SH3PXD2A: variants seen among roughly 807,000 people sequenced by gnomAD.
SH3PXD2A encodes SH3 and PX domain-containing protein 2A.
SH3PXD2A carries 32 observed loss-of-function variants against 115.2 expected under a neutral mutation model. That is an observed-to-expected ratio of 0.28 (90% confidence interval 0.21 to 0.37). SH3PXD2A has a LOEUF of 0.37. Among genes scored for constraint, SH3PXD2A ranks in the 10% least tolerant of loss-of-function variants. The pLI, the probability that SH3PXD2A is intolerant of heterozygous loss-of-function variation, is 1.00. For synonymous variants in SH3PXD2A, 610 were observed against 629.1 expected (o/e 0.97, Z 0.45); for missense variants, 1,328 against 1,498.7 (o/e 0.89, Z 1.88).
At chr10:103,663,753 A>T (rs948986923) in intron 7 of SH3PXD2A, among the ~76,000 whole-genome samples, 1 of 152,236 alleles carries the variant, frequency 6.6e-6, no homozygotes, top group African/African-American at 2.4e-5. Flanking sequence ...AACTCTAGGA[A>T]ATCCCAAAGG....
chr10:103,682,333 C>A (rs572997733), intron 6 of SH3PXD2A, among the ~76,000 whole-genome samples: 2 of 152,396 alleles, frequency 1.3e-5, no homozygotes, highest in East Asian at 3.9e-4. Context: ...CATCGCATCA[C>A]CGCCACGTGG....
intron 8 of SH3PXD2A, among the ~76,000 whole-genome samples, chr10:103,656,704 C>T (rs1456616883): frequency 1.3e-5 from 2 of 151,932 alleles, no homozygotes; most frequent in Admixed American, 6.6e-5. Context: ...GTAGCAGGTG[C>T]CTGTAATCCC....
intron 7 of SH3PXD2A, among the ~76,000 whole-genome samples, 156 bp downstream of exon 7, chr10:103,668,452 G>C (rs913098468): frequency 5.3e-5 from 8 of 152,284 alleles, no homozygotes; most frequent in African/African-American, 1.9e-4. Flanking sequence ...TGACTGGGGA[G>C]GCAGAGGGCA....
chr10:103,745,551 C>T (rs1406557967), intron 3 of SH3PXD2A, among the ~76,000 whole-genome samples: 2 of 152,220 alleles, frequency 1.3e-5, no homozygotes, highest in African/African-American at 4.8e-5. Context: ...TGGAGCCCAG[C>T]CCATGGCAAA....
chr10:103,650,231 C>A (rs1452637519), intron 8 of SH3PXD2A, among the ~76,000 whole-genome samples: 2 of 152,152 alleles, frequency 1.3e-5, no homozygotes, highest in African/African-American at 4.8e-5. Flanking sequence ...CCCTCCTCCC[C>A]TCACCTGGCA....
At chr10:103,681,527 G>A (rs1002453955) in intron 6 of SH3PXD2A, among the ~76,000 whole-genome samples, 2 of 152,210 alleles carry the variant, frequency 1.3e-5, no homozygotes. Context: ...CAGCACTCTG[G>A]GGGGCCAAGG....
At chr10:103,770,390 A>T (rs1328248433) in intron 2 of SH3PXD2A, among the ~76,000 whole-genome samples, 1 of 150,476 alleles carries the variant, frequency 6.6e-6, no homozygotes, top group Non-Finnish European at 1.5e-5. Context: ...ACTTTTTTGT[A>T]GAGATGGGAT....
At chr10:103,673,889 C>T (rs954364163) in intron 6 of SH3PXD2A, among the ~76,000 whole-genome samples, 2 of 152,162 alleles carry the variant, frequency 1.3e-5, no homozygotes, top group African/African-American at 4.8e-5. Context: ...TTTCCACATC[C>T]CCACCCTGGG....
rs1466206767 is a variant in SH3PXD2A, at chr10:103,597,457, A to C, written c.*4359T>G. 1 of 152,250 alleles carries C rather than the reference A, an allele frequency of 6.6e-6. No homozygotes were observed. The highest frequency in any genetic ancestry group is 1.5e-5 in the Non-Finnish European group (1 of 68,094). 9.4% of individuals were successfully genotyped at this position (152,250 alleles called of 1,614,324 possible). ...TGAGCAGCTGGCTGCACCACAACAG[A>C]AATCAAAACAAGGAACAGCTCCCGA... is the stretch of plus-strand genomic sequence containing the variant. On this transcript the variant is annotated 3_prime_UTR_variant, in exon 15 of 15. Transcript: ENST00000369774.
At chr10:103,813,123 AG>A (rs1468820004) in intron 1 of SH3PXD2A, among the ~76,000 whole-genome samples, 5 of 152,210 alleles carry the variant, frequency 3.3e-5, no homozygotes, top group Non-Finnish European at 7.3e-5. Context: ...AAGAAAAAAA[AG>A]ATTATAATGC....
intron 6 of SH3PXD2A, among the ~76,000 whole-genome samples, chr10:103,676,678 C>G (rs2037538433): frequency 6.6e-6 from 1 of 152,134 alleles, no homozygotes; most frequent in African/African-American, 2.4e-5. Flanking sequence ...GGGAGGCTGG[C>G]AGGTTCAGAG....
chr10:103,821,787 A>G (rs1339189658), intron 1 of SH3PXD2A, among the ~76,000 whole-genome samples: 5 of 152,068 alleles, frequency 3.3e-5, no homozygotes, highest in Admixed American at 6.5e-5. Context: ...GGCTGGTCTC[A>G]AATTCCTGGA....
At chr10:103,606,620 G>A (rs1250697105) in intron 13 of SH3PXD2A, among the ~76,000 whole-genome samples, 2 of 151,894 alleles carry the variant, frequency 1.3e-5, no homozygotes, top group Non-Finnish European at 2.9e-5. Flanking sequence ...TCAGCCTGCC[G>A]AGTGCCTGCG....
intron 3 of SH3PXD2A, among the ~76,000 whole-genome samples, chr10:103,752,425 AGAC>A (rs1226931419): frequency 5.3e-5 from 8 of 152,250 alleles, no homozygotes; most frequent in African/African-American, 1.9e-4. Context: ...TGTATTTCAC[AGAC>A]GAGGGAACTC....
chr10:103,817,439 C>T (rs1387105395), intron 1 of SH3PXD2A, among the ~76,000 whole-genome samples: 1 of 152,186 alleles, frequency 6.6e-6, no homozygotes, highest in African/African-American at 2.4e-5. Context: ...CTCCCAGGTT[C>T]AAGCAATTCT....
intron 2 of SH3PXD2A, among the ~76,000 whole-genome samples, chr10:103,772,397 C>A (rs909558997): frequency 5.3e-5 from 8 of 152,192 alleles, no homozygotes; most frequent in African/African-American, 1.9e-4. Flanking sequence ...GAAGGCCCCG[C>A]CCAGCAGAGA....
chr10:103,632,660 C>T (rs900924846), intron 8 of SH3PXD2A, among the ~76,000 whole-genome samples: 1 of 152,178 alleles, frequency 6.6e-6, no homozygotes, highest in Non-Finnish European at 1.5e-5. Context: ...CTCTTCTCTG[C>T]AGCTGTCATC....
At chr10:103,623,187 C>T (rs370355662) in intron 9 of SH3PXD2A, among the ~76,000 whole-genome samples, 4 of 152,164 alleles carry the variant, frequency 2.6e-5, no homozygotes, top group South Asian at 2.1e-4. Context: ...ACCTGCTGAA[C>T]GGAATGACAC....
At chr10:103,819,997 G>A (rs1337142375) in intron 1 of SH3PXD2A, among the ~76,000 whole-genome samples, 1 of 152,156 alleles carries the variant, frequency 6.6e-6, no homozygotes, top group Non-Finnish European at 1.5e-5. Flanking sequence ...TTCCTGGAGG[G>A]GCACAGGGTG....
Sources: allele counts gnomAD v4.1 joint callset (sites outside exome capture counted in the v4.1 genomes callset), GRCh38; gene constraint gnomAD v4.1.1; transcripts MANE v1.5; gene names NCBI Gene and HGNC (gene_info 2026-07-23, HGNC 2026-07-21).